The following FRMPD4 variants were observed in gnomAD, a reference collection of about 807,000 sequenced individuals.
FRMPD4 encodes FERM and PDZ domain-containing protein 4.
A neutral mutation model predicts 94.1 loss-of-function variants in FRMPD4; 22 were observed. That is an observed-to-expected ratio of 0.23 (90% CI 0.17 to 0.33). The LOEUF (loss-of-function observed/expected upper bound fraction) is 0.33. Ranked by LOEUF, FRMPD4 falls within the 10% of genes least tolerant of loss-of-function variation. The pLI, the probability that FRMPD4 is intolerant of heterozygous loss-of-function variation, is 1.00. For synonymous variants in FRMPD4, 631 were observed against 548.6 expected, an observed-to-expected ratio of 1.15 and a Z score of -2.10; for missense variants, 1,111 against 1,339.9, an observed-to-expected ratio of 0.83 and a Z score of 2.67.
chrX:11,885,823 CAA>C (rs1486856678), intron 3 of FRMPD4, among the ~76,000 whole-genome samples: 1 of 111,352 alleles, frequency 9.0e-6, no homozygotes, highest in Non-Finnish European at 1.9e-5. Flanking sequence ...TTCAGTTTTT[CAA>C]AGAGGCATGT....
At chrX:12,095,840 C>G (rs375908170) in intron 3 of FRMPD4, among the ~76,000 whole-genome samples, 1 of 112,352 alleles carries the variant, frequency 8.9e-6, no homozygotes, top group Non-Finnish European at 1.9e-5. Context: ...CATCAATTCT[C>G]TCTTGTCTGG....
intron 3 of FRMPD4, among the ~76,000 whole-genome samples, chrX:11,999,230 C>A (rs1203468219): frequency 1.8e-5 from 2 of 111,633 alleles, no homozygotes; most frequent in Non-Finnish European, 3.8e-5. Context: ...CTGTTTCTAT[C>A]CATGTCCACA....
intron 3 of FRMPD4, among the ~76,000 whole-genome samples, chrX:11,911,691 C>T (rs2053997702): frequency 8.9e-6 from 1 of 111,919 alleles, no homozygotes; most frequent in Non-Finnish European, 1.9e-5. Flanking sequence ...GGAATGACTG[C>T]TGGTGGCAGA....
intron 3 of FRMPD4, among the ~76,000 whole-genome samples, chrX:11,962,021 A>G (rs769690181): frequency 1.7e-4 from 19 of 112,755 alleles, no homozygotes; most frequent in Non-Finnish European, 3.2e-4. Flanking sequence ...AGCTACTACA[A>G]CCTCTAAGGC....
At chrX:12,288,304 G>A (rs2054629891) in intron 1 of FRMPD4, among the ~76,000 whole-genome samples, 1 of 111,853 alleles carries the variant, frequency 8.9e-6, no homozygotes, top group Non-Finnish European at 1.9e-5. Context: ...ACTGTTAAAC[G>A]ATTCTATAAC....
intron 4 of FRMPD4, among the ~76,000 whole-genome samples, chrX:12,622,015 AAAGGAAGGAAGG>A (rs1398023082): frequency 4.1e-4 from 9 of 21,984 alleles, no homozygotes; most frequent in African/African-American, 1.5e-3. Context: ...AGAAAGAAAG[AAAGGAAGGAAGG>A]AAGGAAGGAA....
At position 12,718,006 on chromosome X, in the gene FRMPD4, G is replaced by A. The variant is rs781119316; in HGVS notation, c.3180G>A (p.Glu1060=). 32 of 1,210,472 alleles carry A rather than the reference G, an allele frequency of 2.6e-5. No individual in the cohort carries two copies. The highest frequency in any genetic ancestry group is 3.2e-5 in the Non-Finnish European group (29 of 895,185). The change falls in exon 16 of 17, where the codon GAG becomes GAA. Residue 1060 remains glutamate, a synonymous_variant. Coordinates refer to ENST00000675598, the MANE Select transcript of FRMPD4 (RefSeq NM_001368397.1). ...QGTKTAEMEE[E]ASGKFGTVSS... is the part of the protein sequence containing the mutation. ...CCAAAACGGCAGAGATGGAGGAGGA[G>A]GCCAGTGGTAAATTTGGTACTGTGT...
intron 3 of FRMPD4, among the ~76,000 whole-genome samples, chrX:12,074,714 A>G (rs1264645002): frequency 8.9e-6 from 1 of 112,617 alleles, no homozygotes; most frequent in Non-Finnish European, 1.9e-5. Flanking sequence ...CCAAAAATGT[A>G]TTACATGTTT....
At chrX:12,348,485 C>T (rs1171199090) in intron 1 of FRMPD4, among the ~76,000 whole-genome samples, 2 of 108,444 alleles carry the variant, frequency 1.8e-5, no homozygotes, top group South Asian at 4.0e-4. Context: ...GTAAAATACA[C>T]AGGAGGACCC....
chrX:12,549,013 A>AT (rs1160656423), intron 2 of FRMPD4, among the ~76,000 whole-genome samples: 2 of 111,290 alleles, frequency 1.8e-5, no homozygotes, highest in African/African-American at 6.5e-5. Context: ...TCCCAGGTCG[A>AT]TTTTTTTGGC....
chrX:11,845,998 C>T (rs1209560248), intron 1 of FRMPD4, among the ~76,000 whole-genome samples: 4 of 102,932 alleles, frequency 3.9e-5, no homozygotes, highest in Non-Finnish European at 4.0e-5. Flanking sequence ...CTCACCACTC[C>T]TATTCAACAT....
At chrX:12,557,322 A>T (rs915684133) in intron 2 of FRMPD4, among the ~76,000 whole-genome samples, 8 of 111,440 alleles carry the variant, frequency 7.2e-5, no homozygotes, top group African/African-American at 2.3e-4. Context: ...GAGAGAATAG[A>T]TGGTGAATAT....
At chrX:12,019,551 A>G (rs766956175) in intron 3 of FRMPD4, among the ~76,000 whole-genome samples, 2 of 109,042 alleles carry the variant, frequency 1.8e-5, no homozygotes, top group East Asian at 5.8e-4. Context: ...GAAATGCCAA[A>G]CTCCTCAATA....
At chrX:11,966,691 G>C (rs1275059997) in intron 3 of FRMPD4, among the ~76,000 whole-genome samples, 2 of 111,756 alleles carry the variant, frequency 1.8e-5, no homozygotes, top group Non-Finnish European at 3.8e-5. Context: ...GAATCAATAA[G>C]TCAACCAAAC....
intron 1 of FRMPD4, among the ~76,000 whole-genome samples, chrX:12,439,466 C>G (rs747878303): frequency 1.8e-5 from 2 of 111,288 alleles, no homozygotes; most frequent in African/African-American, 6.5e-5. Context: ...GGATTCGAAC[C>G]TAGGTGTGAT....
At chrX:12,656,318 C>T (rs2059655459) in intron 4 of FRMPD4, among the ~76,000 whole-genome samples, 1 of 111,646 alleles carries the variant, frequency 9.0e-6, no homozygotes, top group Admixed American at 9.5e-5. Flanking sequence ...ACATGTATAC[C>T]CTTTGACCTA....
Position 12,594,097 on chromosome X carries a change from A to G in FRMPD4, c.159-15624A>G, listed in dbSNP as rs1443424058. The stretch of plus-strand genomic sequence containing the variant: ...ATTCTACAAGTTCTTTATTGTGTAT[A>G]TTATGTATTTGTCTGTTTCATATGT... On this transcript the variant is annotated intron_variant, in intron 2 of 16. Coordinates refer to ENST00000675598, the MANE Select transcript of FRMPD4 (RefSeq NM_001368397.1). Among the ~76,000 whole-genome samples the G allele has an allele frequency of 2.7e-5, 3 of 110,147 alleles. No individual in the cohort carries two copies. In the Admixed American group the frequency reaches 2.9e-4, roughly 11 times the overall value.
chrX:12,718,591 C>T lies in FRMPD4; in HGVS notation c.3765C>T (p.Gly1255=), dbSNP rs112904131. 2.8e-3 allele frequency: 3,440 copies of T among 1,208,459 alleles called. 59 individuals carry two copies. The African/African-American group carries it at 0.051, about 18-fold the overall frequency. ...TGATTCCTGACGCTTCTGGGAAAGG[C>T]GTGAATTACATTCCTTCAGAGGAGA... is the stretch of plus-strand genomic sequence containing the variant. ...KHLIPDASGK[G]VNYIPSEERA... Residue 1255 remains glycine (G), a synonymous_variant, in exon 16 of 17, where the codon GGC becomes GGT. Transcript: ENST00000675598.
chrX:11,987,708 A>T (rs1289886338), intron 3 of FRMPD4, among the ~76,000 whole-genome samples: 1 of 112,091 alleles, frequency 8.9e-6, no homozygotes, highest in Non-Finnish European at 1.9e-5. Flanking sequence ...TAAAACTGAT[A>T]AACCAATTCA....
Sources: allele counts gnomAD v4.1 joint callset (sites outside exome capture counted in the v4.1 genomes callset), GRCh38; gene constraint gnomAD v4.1.1; transcripts MANE v1.5; gene names NCBI Gene and HGNC (gene_info 2026-07-23, HGNC 2026-07-21).